Variants in DCDC1 observed in about 807,000 individuals in gnomAD.
DCDC1 encodes doublecortin domain containing 1, also known as doublecortin domain-containing protein 1.
DCDC1 carries 200 observed loss-of-function variants against 178.3 expected under a neutral mutation model. That is an observed-to-expected ratio of 1.12 (90% CI 1.00 to 1.26). DCDC1 has a LOEUF of 1.26. Ranked by LOEUF, DCDC1 falls within the 50% of genes most tolerant of loss-of-function variation. The pLI is 0.00. For synonymous variants in DCDC1, 690 were observed against 604.8 expected (o/e 1.14, Z -2.07); for missense variants, 1,983 against 1,749.2 (o/e 1.13, Z -2.38).
chr11:31,357,254 TC>T (rs1564926841), intron 1 of DCDC1, among the ~76,000 whole-genome samples: 1 of 151,896 alleles, frequency 6.6e-6, no homozygotes, highest in African/African-American at 2.4e-5. Context: ...CAAGTGGGCT[TC>T]ATCCCTGGGA....
At chr11:31,088,552 T>C (rs918689334) in intron 17 of DCDC1, among the ~76,000 whole-genome samples, 3 of 152,202 alleles carry the variant, frequency 2.0e-5, no homozygotes, top group African/African-American at 7.2e-5. Context: ...TCACAAATGG[T>C]ATAAAAAAAT....
rs558639788 is a variant in DCDC1 at position 31,110,154 on chromosome 11, C to A, written c.1587+106G>T. 1.2e-4 allele frequency: 75 copies of A among 602,848 alleles called. No individual in the cohort carries two copies. The South Asian group carries it at 1.5e-3, about 12-fold the overall frequency. 37.3% of individuals were successfully genotyped at this position (602,848 alleles called of 1,614,324 possible). On this transcript the variant is annotated intron_variant, in intron 12 of 38. Transcript: ENST00000684477. ...TGTGATATCAGTCTTTACAGATCAACAAACCATTGATCTTCTGCAAACAAC... is the reference window on the plus strand; with the variant it reads ...TGTGATATCAGTCTTTACAGATCAAAAAACCATTGATCTTCTGCAAACAAC...
intron 24 of DCDC1, among the ~76,000 whole-genome samples, chr11:30,922,058 A>G (rs1298923285): frequency 6.6e-6 from 1 of 152,182 alleles, no homozygotes; most frequent in Non-Finnish European, 1.5e-5. Flanking sequence ...AGAAGGAACC[A>G]TAAGTCACTC....
chr11:30,984,856 GGAGAA>G (rs1228877070), intron 20 of DCDC1, among the ~76,000 whole-genome samples: 2 of 152,128 alleles, frequency 1.3e-5, no homozygotes, highest in African/African-American at 2.4e-5. Context: ...GGAAACAACG[GGAGAA>G]GAGACTGGAG....
intron 15 of DCDC1, among the ~76,000 whole-genome samples, chr11:31,096,872 T>C (rs557849994): frequency 1.3e-5 from 2 of 152,154 alleles, no homozygotes; most frequent in Non-Finnish European, 2.9e-5. Context: ...GAAAAAAAAG[T>C]GCTCTGACAA....
At chr11:30,888,048 AAGAAAGAAAGAAAGAG>A (rs1943347374) in intron 36 of DCDC1, among the ~76,000 whole-genome samples, 1 of 84,962 alleles carries the variant, frequency 1.2e-5, no homozygotes, top group African/African-American at 5.1e-5. Flanking sequence ...GAAAGAAAGA[AAGAAAGAAAGAAAGAG>A]AGAGAGAGAG....
At chr11:30,892,759 A>G in intron 36 of DCDC1, 59 bp downstream of exon 36, 1 of 1,590,232 alleles carries the variant, frequency 6.3e-7, no homozygotes, top group Non-Finnish European at 8.6e-7. Context: ...CAATCTAGAA[A>G]TATCAGAGCT....
At chr11:30,873,158 T>C (rs1054114292) in intron 38 of DCDC1, among the ~76,000 whole-genome samples, 10 of 150,956 alleles carry the variant, frequency 6.6e-5, no homozygotes, top group African/African-American at 9.7e-5. Flanking sequence ...AGTTTTAACA[T>C]TGGGAAAGCT....
intron 9 of DCDC1, among the ~76,000 whole-genome samples, chr11:31,138,955 T>C (rs2136009097): frequency 6.6e-6 from 1 of 152,184 alleles, no homozygotes; most frequent in Non-Finnish European, 1.5e-5. Flanking sequence ...TTGGTGATTC[T>C]GATGATCACC....
At chr11:30,962,148 A>G (rs1949138945) in intron 20 of DCDC1, among the ~76,000 whole-genome samples, 1 of 152,132 alleles carries the variant, frequency 6.6e-6, no homozygotes, top group Non-Finnish European at 1.5e-5. Flanking sequence ...TCATCCTAAT[A>G]GAAACAAGAC....
At chr11:30,990,148 CA>C (rs1950891479) in intron 20 of DCDC1, among the ~76,000 whole-genome samples, 1 of 152,044 alleles carries the variant, frequency 6.6e-6, no homozygotes, top group Non-Finnish European at 1.5e-5. Context: ...GTGACAAAAG[CA>C]GCACAGAGTT....
intron 9 of DCDC1, among the ~76,000 whole-genome samples, chr11:31,221,538 T>C (rs1316354139): frequency 2.6e-5 from 4 of 152,184 alleles, no homozygotes; most frequent in Non-Finnish European, 5.9e-5. Context: ...ATGGTTCTGG[T>C]GGATCCTGGT....
chr11:30,911,756 G>A (rs548060289), intron 27 of DCDC1, among the ~76,000 whole-genome samples: 1 of 152,082 alleles, frequency 6.6e-6, no homozygotes, highest in Admixed American at 6.5e-5. Context: ...CTTGCCTATT[G>A]CTCCTTTGCT....
chr11:31,322,726 A>C (rs963669631), intron 3 of DCDC1, among the ~76,000 whole-genome samples: 9 of 152,238 alleles, frequency 5.9e-5, no homozygotes, highest in Non-Finnish European at 7.3e-5. Flanking sequence ...CAAAGACACA[A>C]TGAGCCAGAC....
Position 30,952,324 on chromosome 11 carries a change from T to G in DCDC1, c.2715+121A>C, listed in dbSNP as rs149473985. On this transcript the variant is annotated intron_variant, in intron 21 of 38. Coordinates refer to ENST00000684477, the MANE Select transcript of DCDC1 (RefSeq NM_001387274.1). ...TGATAGAACAACAGAATTAGCAAGTTTGATATCTTGCACCTAACAGCTGCA... is the reference window on the plus strand; with the variant it reads ...TGATAGAACAACAGAATTAGCAAGTGTGATATCTTGCACCTAACAGCTGCA... 1.4e-5 allele frequency: 12 copies of G among 832,428 alleles called. No homozygotes were observed. The African/African-American group carries it at 1.9e-4, about 13-fold the overall frequency. 51.6% of individuals were successfully genotyped at this position (832,428 alleles called of 1,614,324 possible).
At chr11:31,113,054 G>A (rs1045033203) in intron 11 of DCDC1, among the ~76,000 whole-genome samples, 1 of 152,084 alleles carries the variant, frequency 6.6e-6, no homozygotes, top group African/African-American at 2.4e-5. Context: ...CCTGAAGTTT[G>A]TATAATTTAG....
chr11:31,155,392 G>T (rs1965615280), intron 9 of DCDC1, among the ~76,000 whole-genome samples: 1 of 152,136 alleles, frequency 6.6e-6, no homozygotes, highest in Non-Finnish European at 1.5e-5. Flanking sequence ...ACTGTAGGGG[G>T]GAAGAGTCAA....
At chr11:31,110,896 T>A (rs1377913292) in intron 11 of DCDC1, among the ~76,000 whole-genome samples, 5 of 152,136 alleles carry the variant, frequency 3.3e-5, no homozygotes, top group Admixed American at 2.0e-4. Context: ...ATGAAAGTCA[T>A]CCATTTTAAG....
chr11:31,164,691 AAAAAGT>A (rs1279077591), intron 9 of DCDC1, among the ~76,000 whole-genome samples: 1 of 152,218 alleles, frequency 6.6e-6, no homozygotes, highest in East Asian at 1.9e-4. Flanking sequence ...TTTTAAAATT[AAAAAGT>A]TTATAAAGTA....
Sources: allele counts gnomAD v4.1 joint callset (sites outside exome capture counted in the v4.1 genomes callset), GRCh38; gene constraint gnomAD v4.1.1; transcripts MANE v1.5; gene names NCBI Gene and HGNC (gene_info 2026-07-23, HGNC 2026-07-21).